Variants in KIF17 observed in about 807,000 individuals in gnomAD.
KIF17 encodes the protein kinesin-like protein KIF17.
KIF17 carries 80 observed loss-of-function variants against 96.8 expected under a neutral mutation model. That is an observed-to-expected ratio of 0.83 (90% CI 0.69 to 1.00). The LOEUF (loss-of-function observed/expected upper bound fraction) is 1.00, where lower values mean the gene tolerates loss of function less well. Ranked by LOEUF, KIF17 falls within the 50% of genes least tolerant of loss-of-function variation. The pLI is 0.00. For synonymous variants in KIF17, 567 were observed against 587.5 expected, an observed-to-expected ratio of 0.97 and a Z score of 0.51; for missense variants, 1,280 against 1,372.9, an observed-to-expected ratio of 0.93 and a Z score of 1.07.
At chr1:20,712,773 A>T (rs1328234987) in intron 3 of KIF17, among the ~76,000 whole-genome samples, 4 of 89,162 alleles carry the variant, frequency 4.5e-5, no homozygotes, top group African/African-American at 2.2e-4. Flanking sequence ...TCTATATATA[A>T]TATAGATAAT....
intron 3 of KIF17, among the ~76,000 whole-genome samples, chr1:20,710,492 C>G (rs2054417066): frequency 6.6e-6 from 1 of 152,216 alleles, no homozygotes. Context: ...TCCCTGCTGG[C>G]TTTCCAGGCA....
At chr1:20,683,596 A>G (rs1338973283) in intron 10 of KIF17, among the ~76,000 whole-genome samples, 1 of 152,094 alleles carries the variant, frequency 6.6e-6, no homozygotes, top group Non-Finnish European at 1.5e-5. Flanking sequence ...CAGAGGTTGC[A>G]GTGAGCCGAG....
chr1:20,684,780 T>C (rs1570447760), intron 10 of KIF17, 29 bp downstream of exon 10: 2 of 1,549,606 alleles, frequency 1.3e-6, no homozygotes, highest in East Asian at 4.9e-5. Context: ...CACCGTGGGG[T>C]CCCGCCAGCC....
At chr1:20,682,327 A>C (rs562348110) in intron 11 of KIF17, among the ~76,000 whole-genome samples, 38 of 152,192 alleles carry the variant, frequency 2.5e-4, no homozygotes, top group Non-Finnish European at 4.8e-4. Flanking sequence ...AGTGCTTTCC[A>C]GCCTGGGCAA....
Position 20,717,755 on chromosome 1 carries a change from G to C in KIF17, c.-49C>G, listed in dbSNP as rs747474534. ...GACCAGAGCTGACCCCCGCCCCGCC[G>C]GGGACTCCCAGCAGCCCGGGCCAAG... On this transcript the variant is annotated 5_prime_UTR_variant, in exon 1 of 15. Coordinates refer to ENST00000400463, the MANE Select transcript of KIF17 (RefSeq NM_001122819.3). 6.7e-7 allele frequency: 1 copy of C among 1,501,120 alleles called. No individual in the cohort carries two copies. Among genetic ancestry groups the C allele is most frequent in the Admixed American group, 2.1e-5 (1 of 47,272 alleles). The allele number at this position is 1,501,120 out of a possible 1,614,324, so 93.0% of individuals were successfully genotyped here.
intron 6 of KIF17, chr1:20,693,676 T>C (rs752576123): frequency 2.0e-5 from 3 of 152,340 alleles, no homozygotes; most frequent in Non-Finnish European, 2.9e-5. Context: ...TCTCCCATTT[T>C]ATTCTCCTGA....
Position 20,695,402 on chromosome 1 carries a change from T to C in KIF17, c.1233+2977A>G, listed in dbSNP as rs1258309585. 3.9e-5 allele frequency among the ~76,000 whole-genome samples: 6 copies of C among 152,238 alleles called. No homozygotes were observed. In the South Asian group the frequency reaches 6.2e-4, roughly 16 times the overall value. ...GGGGTTTCGCCATGTTGGCCAGGCT[T>C]GGTCTTGAACTCCTGACCTCCAGTG... On this transcript the variant is annotated intron_variant, in intron 6 of 14. Coordinates refer to ENST00000400463, the MANE Select transcript of KIF17 (RefSeq NM_001122819.3).
chr1:20,663,826 C>T (rs990404059), downstream of KIF17, among the ~76,000 whole-genome samples: 2 of 151,516 alleles, frequency 1.3e-5, no homozygotes, highest in Non-Finnish European at 2.9e-5. Context: ...ACAGGTCCTT[C>T]GAGAATCTAA....
chr1:20,677,408 C>A (rs1181924362), intron 11 of KIF17, among the ~76,000 whole-genome samples: 5 of 152,144 alleles, frequency 3.3e-5, no homozygotes, highest in Non-Finnish European at 7.3e-5. Context: ...TCCAAAGAAA[C>A]CTACCAAGAA....
At position 20,717,592 on chromosome 1, in the gene KIF17, T is replaced by TGCA; in HGVS notation, c.112_114dup (p.Cys38dup). ...TCGTCGGCGGCGCCCGGGTTCTGGA[T>TGCA]GCAGCACTGGGCGCGCGCGCAGTCC... On this transcript the variant is annotated inframe_insertion, in exon 1 of 15. Coordinates refer to ENST00000400463, the MANE Select transcript of KIF17 (RefSeq NM_001122819.3). The TGCA allele has an allele frequency of 6.2e-7, 1 of 1,611,296 alleles. No individual in the cohort carries two copies. The highest frequency in any genetic ancestry group is 8.5e-7 in the Non-Finnish European group (1 of 1,179,526).
chr1:20,709,364 G>T lies in KIF17; in HGVS notation c.670+275C>A, dbSNP rs551819691. Among the ~76,000 whole-genome samples the T allele has an allele frequency of 3.3e-4, 51 of 152,286 alleles. 1 individual carries two copies. Among genetic ancestry groups the T allele is most frequent in the African/African-American group, 1.2e-3 (50 of 41,552 alleles). On this transcript the variant is annotated intron_variant, in intron 4 of 14. Transcript: ENST00000400463. The surrounding 1 kb of genome is among the most constrained non-coding windows in gnomAD (Gnocchi z 4.7). The stretch of plus-strand genomic sequence containing the variant: ...ACTGCACTCCAGCCTGGGTGACAGG[G>T]TGACACTTTGTCTCAAAAAACAAAT...
In KIF17 at chr1:20,709,947, A is replaced by G. The variant is rs767725958; in HGVS notation, c.481-119T>C. 10 of 922,966 alleles carry G rather than the reference A, an allele frequency of 1.1e-5. No individual in the cohort carries two copies. Among genetic ancestry groups the G allele is most frequent in the Non-Finnish European group, 1.5e-5 (9 of 586,070 alleles). 57.2% of individuals were successfully genotyped at this position (922,966 alleles called of 1,614,324 possible). On this transcript the variant is annotated intron_variant, in intron 3 of 14. Transcript: ENST00000400463. The surrounding 1 kb of genome is among the most constrained non-coding windows in gnomAD (Gnocchi z 4.7). The stretch of plus-strand genomic sequence containing the variant: ...GACCGCCCTCGCCCTCCTGTAATGC[A>G]GGCTGGCACCTCACATGCCTGTCAC...
At chr1:20,703,034 T>C (rs551935677) in intron 5 of KIF17, among the ~76,000 whole-genome samples, 1 of 152,002 alleles carries the variant, frequency 6.6e-6, no homozygotes, top group African/African-American at 2.4e-5. Flanking sequence ...GAATGGATGA[T>C]AGGATGGAGT....
chr1:20,685,459 G>C lies in KIF17; in HGVS notation c.2020-439C>G, dbSNP rs2053920574. On this transcript the variant is annotated intron_variant, in intron 9 of 14. Transcript: ENST00000400463. This position sits in a 1 kb window ranked among gnomAD's most constrained non-coding sequence, Gnocchi z 4.1. ...GAAAGTCAAGGTCTTTCCAGCCATA[G>C]GACCTTGGCACTTGCTATCCCCTCT... is the stretch of plus-strand genomic sequence containing the variant. Among the ~76,000 whole-genome samples the C allele has an allele frequency of 6.6e-6, 1 of 152,064 alleles. No homozygotes were observed. The highest frequency in any genetic ancestry group is 2.4e-5 in the African/African-American group (1 of 41,398).
intron 11 of KIF17, among the ~76,000 whole-genome samples, chr1:20,680,532 G>A (rs991661772): frequency 2.0e-5 from 3 of 152,044 alleles, no homozygotes; most frequent in Non-Finnish European, 2.9e-5. Flanking sequence ...AGCTATGATC[G>A]TGCCACTGCA....
At position 20,672,137 on chromosome 1, in the gene KIF17, G is replaced by A. The variant is rs1259426336; in HGVS notation, c.2523C>T (p.Ile841=). 1.1e-5 allele frequency: 17 copies of A among 1,614,016 alleles called. No individual in the cohort carries two copies. The highest frequency in any genetic ancestry group is 6.7e-5 in the East Asian group (3 of 44,896). The change falls in exon 12 of 15, where the codon ATC becomes ATT. Residue 841 remains isoleucine (I), a synonymous_variant. Transcript: ENST00000400463. The surrounding 1 kb of genome is among the most constrained non-coding windows in gnomAD (Gnocchi z 4.3). The part of the protein sequence containing the change: ...DLQSEFQLEK[I]DYLATIRRQE... The stretch of plus-strand genomic sequence containing the variant: ...GCCGGCGGATGGTGGCCAAGTAATC[G>A]ATCTTCTCCAGCTGAAACTCGGACT...
Position 20,664,772 on chromosome 1 carries a change from A to G in KIF17, c.2909-10T>C, listed in dbSNP as rs748218867. On this transcript the variant is annotated splice_polypyrimidine_tract_variant and intron_variant, in intron 14 of 14. Coordinates refer to ENST00000400463, the MANE Select transcript of KIF17 (RefSeq NM_001122819.3). Reference sequence around the variant, plus strand: ...GGCGAGTTGTGATGTGCTGTGGGGAAGAGGGCAGAGGTGCTGGTAAGCCAG... The same window carrying G: ...GGCGAGTTGTGATGTGCTGTGGGGAGGAGGGCAGAGGTGCTGGTAAGCCAG... 1.2e-6 allele frequency: 2 copies of G among 1,611,270 alleles called. No homozygotes were observed. Among genetic ancestry groups the G allele is most frequent in the Middle Eastern group, 2.2e-4 (1 of 4,470 alleles).
intron 3 of KIF17, among the ~76,000 whole-genome samples, chr1:20,712,782 A>T (rs1282243313): frequency 3.0e-5 from 2 of 65,590 alleles, no homozygotes; most frequent in African/African-American, 5.7e-5. Context: ...AATATAGATA[A>T]TATCTATATA....
At chr1:20,693,543 G>C (rs1380908455) in intron 6 of KIF17, 2 of 152,188 alleles carry the variant, frequency 1.3e-5, no homozygotes, top group Admixed American at 6.6e-5. Flanking sequence ...TGGGATTACA[G>C]GAGTGAGCCA....
Sources: allele counts gnomAD v4.1 joint callset (sites outside exome capture counted in the v4.1 genomes callset), GRCh38; gene constraint gnomAD v4.1.1; non-coding constraint Gnocchi (gnomAD v3.1); transcripts MANE v1.5; gene names NCBI Gene and HGNC (gene_info 2026-07-23, HGNC 2026-07-21).